ETV1: variants seen among roughly 807,000 people sequenced by gnomAD.
ETV1 encodes ETS variant transcription factor 1.
Under a neutral mutation model 62.3 loss-of-function variants are expected in ETV1, and 27 were observed. The ratio of observed to expected loss-of-function variants is 0.43; its 90% CI spans 0.32 to 0.60. The LOEUF (loss-of-function observed/expected upper bound fraction) is 0.60. Ranked by LOEUF, ETV1 falls within the 20% of genes least tolerant of loss-of-function variation. The pLI is 0.06. For synonymous variants in ETV1, 222 were observed against 199.6 expected (o/e 1.11, Z -0.94); for missense variants, 605 against 605.8 (o/e 1.00, Z 0.01).
intron 8 of ETV1, among the ~76,000 whole-genome samples, chr7:13,932,340 A>G (rs1786283361): frequency 6.6e-6 from 1 of 152,182 alleles, no homozygotes. Flanking sequence ...AAACAAAACT[A>G]GGTATTATAA....
chr7:13,977,486 G>C lies in ETV1; in HGVS notation c.182-6C>G. 1.3e-6 allele frequency: 2 copies of C among 1,503,204 alleles called. No homozygotes were observed. Among genetic ancestry groups the C allele is most frequent in the East Asian group, 5.1e-5 (2 of 39,532 alleles). 93.1% of individuals were successfully genotyped at this position (1,503,204 alleles called of 1,614,324 possible). A position where few individuals can be genotyped will look rare whatever the true frequency, so the allele number is the denominator to read the frequency against. On this transcript the variant is annotated splice_polypyrimidine_tract_variant and splice_region_variant and intron_variant, in intron 5 of 13. Coordinates refer to ENST00000430479, the MANE Select transcript of ETV1 (RefSeq NM_004956.5). ...ATCATTGTCAGGTACCTGAGCTGAA[G>C]AAGAAAAAGAAAATTAAAAAAAATT...
At chr7:13,988,842 A>G in intron 3 of ETV1, 166 bp downstream of exon 3, 2 of 1,594,530 alleles carry the variant, frequency 1.3e-6, no homozygotes, top group Non-Finnish European at 1.7e-6. Flanking sequence ...AGGTAAGCTC[A>G]TTTTGAAGAC....
chr7:13,941,951 T>A (rs1472477973), intron 6 of ETV1, among the ~76,000 whole-genome samples: 2 of 151,662 alleles, frequency 1.3e-5, no homozygotes, highest in South Asian at 2.1e-4. Context: ...GTGTTGTCTG[T>A]GTGTAGGCGA....
chr7:13,914,104 C>T (rs1424749529), intron 9 of ETV1, among the ~76,000 whole-genome samples: 5 of 151,568 alleles, frequency 3.3e-5, no homozygotes, highest in African/African-American at 7.3e-5. Context: ...AGGCTGGTCT[C>T]GAACTCCTGA....
chr7:13,941,762 C>T (rs1292136153), intron 6 of ETV1, among the ~76,000 whole-genome samples: 2 of 151,832 alleles, frequency 1.3e-5, no homozygotes, highest in African/African-American at 2.4e-5. Flanking sequence ...TTCCAGCTAT[C>T]GGGAGGCTGG....
chr7:13,958,422 A>G (rs1789742573), intron 6 of ETV1, among the ~76,000 whole-genome samples: 1 of 152,182 alleles, frequency 6.6e-6, no homozygotes, highest in Non-Finnish European at 1.5e-5. Flanking sequence ...TGATGGACAG[A>G]GCAATTAATA....
chr7:13,986,988 C>T (rs1782604434), intron 4 of ETV1: 1 of 291,304 alleles, frequency 3.4e-6, no homozygotes, highest in African/African-American at 2.3e-5. Context: ...CACAAAAAGG[C>T]TGAGGTGAAT....
intron 6 of ETV1, among the ~76,000 whole-genome samples, chr7:13,955,265 A>G (rs996009279): frequency 2.0e-5 from 3 of 152,186 alleles, no homozygotes; most frequent in Non-Finnish European, 4.4e-5. Flanking sequence ...GCTTCTACCG[A>G]AAGTATTTCA....
At chr7:13,990,295 T>C (rs1381124889), upstream of ETV1, 2 of 152,188 alleles carry the variant, frequency 1.3e-5, no homozygotes, top group Admixed American at 6.5e-5. Flanking sequence ...GACAGAAACA[T>C]AAAGAATCTA....
At chr7:13,929,855 G>A (rs891139779) in intron 9 of ETV1, among the ~76,000 whole-genome samples, 1 of 152,168 alleles carries the variant, frequency 6.6e-6, no homozygotes, top group African/African-American at 2.4e-5. Flanking sequence ...AGGATGACCA[G>A]AGGGAGACTT....
chr7:13,907,956 T>C (rs779172704), intron 11 of ETV1: 3 of 374,306 alleles, frequency 8.0e-6, no homozygotes, highest in Non-Finnish European at 1.1e-5. Context: ...CATATCGATT[T>C]CAATGACAGT....
At position 13,895,913 on chromosome 7, in the gene ETV1, C is replaced by T. The variant is rs748904227; in HGVS notation, c.1387G>A (p.Gly463Arg). 6.2e-7 allele frequency: 1 copy of T among 1,613,798 alleles called. No individual in the cohort carries two copies. The highest frequency in any genetic ancestry group is 1.7e-5 in the Admixed American group (1 of 59,986). The change falls in exon 14 of 14, where the codon GGG (glycine) becomes AGG (arginine). Residue 463 changes from glycine to arginine, a missense_variant. Coordinates refer to ENST00000430479, the MANE Select transcript of ETV1 (RefSeq NM_004956.5). ...FDESMAYMPE[G>R]GCCNPHPYNE... ...TAGGGGTGGGGGTTGCAGCAGCCCC[C>T]TTCCGGCATGTAGGCCATGCTCTCA...
At chr7:13,909,526 G>T in intron 11 of ETV1, 106 bp downstream of exon 11, 1 of 806,772 alleles carries the variant, frequency 1.2e-6, no homozygotes, top group African/African-American at 1.7e-5. Context: ...GATGAATTAT[G>T]TGCATAGGAA....
upstream of ETV1, chr7:13,989,772 T>G (rs892009381): frequency 2.5e-6 from 1 of 396,116 alleles, no homozygotes; most frequent in East Asian, 3.6e-5. Context: ...TTTCACAAGA[T>G]CAGATTTCGG....
At chr7:13,914,205 T>G (rs991958040) in intron 9 of ETV1, among the ~76,000 whole-genome samples, 6 of 152,100 alleles carry the variant, frequency 3.9e-5, no homozygotes, top group African/African-American at 1.4e-4. Context: ...CTTTTGAGCT[T>G]CTTTTTACAG....
intron 6 of ETV1, among the ~76,000 whole-genome samples, chr7:13,972,837 C>T (rs551127354): frequency 6.6e-6 from 1 of 152,156 alleles, no homozygotes; most frequent in African/African-American, 2.4e-5. Flanking sequence ...CTCCAACTCC[C>T]GAGCTCAAGC....
chr7:13,972,400 C>G (rs1056749103), intron 6 of ETV1, among the ~76,000 whole-genome samples: 1 of 152,122 alleles, frequency 6.6e-6, no homozygotes, highest in Middle Eastern at 3.2e-3. Context: ...CCACTGCACT[C>G]TAGCCAGGGC....
At chr7:13,940,079 T>C (rs1021610329) in intron 6 of ETV1, among the ~76,000 whole-genome samples, 5 of 152,164 alleles carry the variant, frequency 3.3e-5, no homozygotes, top group Non-Finnish European at 7.4e-5. Flanking sequence ...AAACATGCTA[T>C]AGGCCGGGCG....
chr7:13,988,407 C>T, intron 3 of ETV1: 13 of 580,560 alleles, frequency 2.2e-5, no homozygotes, highest in Middle Eastern at 4.5e-4. Context: ...CCGATCTTAG[C>T]ACATTACTAT....
Sources: gnomAD v4.1 joint callset for allele counts (sites outside exome capture counted in the v4.1 genomes callset) on GRCh38, gnomAD v4.1.1 for gene constraint, MANE v1.5 for transcripts, NCBI Gene and HGNC (gene_info 2026-07-23, HGNC 2026-07-21) for gene names.